The following FRMD4B variants were observed in gnomAD, a reference collection of about 807,000 sequenced individuals.
FRMD4B encodes the protein FERM domain-containing protein 4B.
FRMD4B carries 74 observed loss-of-function variants against 141.5 expected under a neutral mutation model. That is an observed-to-expected ratio of 0.52 (90% CI 0.43 to 0.63). FRMD4B has a LOEUF of 0.63. Ranked by LOEUF, FRMD4B falls within the 30% of genes least tolerant of loss-of-function variation. The pLI, the probability that FRMD4B is intolerant of heterozygous loss-of-function variation, is 0.00. For synonymous variants in FRMD4B, 506 were observed against 467.9 expected (o/e 1.08, Z -1.05); for missense variants, 1,366 against 1,253.4 (o/e 1.09, Z -1.36).
At chr3:69,339,411 C>T (rs907765614) in intron 1 of FRMD4B, among the ~76,000 whole-genome samples, 3 of 152,118 alleles carry the variant, frequency 2.0e-5, no homozygotes, top group African/African-American at 7.2e-5. Context: ...CATTTAATCC[C>T]TTTTAGTCTG....
At position 69,490,179 on chromosome 3, in the gene FRMD4B, A is replaced by C. The variant is rs1055359236; in HGVS notation, c.-129+52027T>G. The stretch of plus-strand genomic sequence containing the variant: ...GTTGCCCTAATATGATTACACTAAA[A>C]GCCACTGAATTGTGTATTTTAAACA... On this transcript the variant is annotated intron_variant, in intron 1 of 5. Transcript: ENST00000459638. Among the ~76,000 whole-genome samples, 6 of 152,304 alleles carry C rather than the reference A, an allele frequency of 3.9e-5. No individual in the cohort carries two copies. In the East Asian group the frequency reaches 1.2e-3, roughly 29 times the overall value.
intron 16 of FRMD4B, among the ~76,000 whole-genome samples, chr3:69,194,150 T>C (rs1344662871): frequency 1.3e-5 from 2 of 152,248 alleles, no homozygotes; most frequent in Non-Finnish European, 2.9e-5. Context: ...TTCACAGATA[T>C]ATTCTCAACT....
rs997763688 is a variant in FRMD4B at position 69,383,624 on chromosome 3, A to G, written c.162+2204T>C. The stretch of plus-strand genomic sequence containing the variant: ...ACTTAGGCTGAAGTGCAGTGGGACA[A>G]TTATGGCTCACTGCAGCATTGAACT... On this transcript the variant is annotated intron_variant, in intron 1 of 22. Transcript: ENST00000398540. Among the ~76,000 whole-genome samples, 3 of 152,218 alleles carry G rather than the reference A, an allele frequency of 2.0e-5. No individual in the cohort carries two copies. The East Asian group carries it at 5.8e-4, about 29-fold the overall frequency.
chr3:69,217,620 T>G (rs1340379977), intron 10 of FRMD4B, among the ~76,000 whole-genome samples: 1 of 152,150 alleles, frequency 6.6e-6, no homozygotes, highest in Non-Finnish European at 1.5e-5. Flanking sequence ...AGACTCCATC[T>G]CAAAAACAAA....
intron 8 of FRMD4B, among the ~76,000 whole-genome samples, chr3:69,223,254 G>A (rs989653595): frequency 1.3e-5 from 2 of 152,052 alleles, no homozygotes; most frequent in Non-Finnish European, 2.9e-5. Context: ...AGTGGCTCAC[G>A]TCTGTAATCT....
chr3:69,337,550 C>A (rs1246618790), intron 1 of FRMD4B, among the ~76,000 whole-genome samples: 1 of 152,112 alleles, frequency 6.6e-6, no homozygotes, highest in Non-Finnish European at 1.5e-5. Context: ...TTTTTGCATC[C>A]TACTCATCTG....
chr3:69,295,787 T>A (rs987575506), intron 4 of FRMD4B, among the ~76,000 whole-genome samples: 3 of 151,958 alleles, frequency 2.0e-5, no homozygotes, highest in African/African-American at 7.2e-5. Flanking sequence ...GTTCTCTAGC[T>A]TCTTTCCCCC....
intron 1 of FRMD4B, among the ~76,000 whole-genome samples, chr3:69,352,294 A>G (rs1440293001): frequency 6.6e-6 from 1 of 152,156 alleles, no homozygotes; most frequent in Non-Finnish European, 1.5e-5. Flanking sequence ...ATAAGATTAT[A>G]TTCCTTTTCA....
At chr3:69,338,687 T>C (rs978700354) in intron 1 of FRMD4B, among the ~76,000 whole-genome samples, 1 of 151,526 alleles carries the variant, frequency 6.6e-6, no homozygotes, top group Non-Finnish European at 1.5e-5. Flanking sequence ...TACTTGAGGG[T>C]AGAGGGTAGG....
chr3:69,269,179 T>G (rs2106919193), intron 5 of FRMD4B, among the ~76,000 whole-genome samples: 1 of 151,904 alleles, frequency 6.6e-6, no homozygotes, highest in East Asian at 1.9e-4. Context: ...CCCACCTGCC[T>G]CGGCCTCTCA....
intron 1 of FRMD4B, among the ~76,000 whole-genome samples, chr3:69,454,262 G>T (rs528495335): frequency 2.0e-5 from 3 of 152,232 alleles, no homozygotes; most frequent in Non-Finnish European, 4.4e-5. Flanking sequence ...AAGTAGGAAC[G>T]TTGGGAGGTG....
intron 2 of FRMD4B, 86 bp downstream of exon 2, chr3:69,313,366 A>G: frequency 2.4e-6 from 2 of 818,630 alleles, no homozygotes; most frequent in Non-Finnish European, 2.1e-6. Flanking sequence ...AGGCTCAGAG[A>G]GGGAACCAGG....
chr3:69,222,959 C>T (rs960071637), intron 8 of FRMD4B, among the ~76,000 whole-genome samples: 3 of 152,176 alleles, frequency 2.0e-5, no homozygotes, highest in African/African-American at 7.2e-5. Context: ...ACAGGGAGAT[C>T]AGCAAGTGTT....
chr3:69,441,315 G>A (rs942515961), intron 1 of FRMD4B, among the ~76,000 whole-genome samples: 2 of 150,396 alleles, frequency 1.3e-5, no homozygotes, highest in Non-Finnish European at 3.0e-5. Context: ...TTTTCTTTAT[G>A]TACTCAAACA....
At chr3:69,250,125 T>C (rs2093452544) in intron 5 of FRMD4B, 26 bp from the exon 6 acceptor site, 2 of 1,519,702 alleles carry the variant, frequency 1.3e-6, no homozygotes, top group African/African-American at 1.4e-5. Context: ...GAAAGCATCA[T>C]TGAACATGGG....
At chr3:69,441,885 C>G (rs185564309) in intron 1 of FRMD4B, among the ~76,000 whole-genome samples, 1 of 152,156 alleles carries the variant, frequency 6.6e-6, no homozygotes, top group Non-Finnish European at 1.5e-5. Flanking sequence ...ACTTACAAAA[C>G]GGATTCCAAA....
At position 69,436,198 on chromosome 3, in the gene FRMD4B, T is replaced by C. The variant is rs578196688; in HGVS notation, c.-128-3437A>G. Among the ~76,000 whole-genome samples, 379 of 152,324 alleles carry C rather than the reference T, an allele frequency of 2.5e-3. 15 individuals are homozygous for C. The South Asian group carries it at 0.075, about 30-fold the overall frequency. On this transcript the variant is annotated intron_variant, in intron 1 of 5. Coordinates refer to the FRMD4B transcript ENST00000459638. The stretch of plus-strand genomic sequence containing the variant: ...TCTTATCCCATAGAAACCTCTAATA[T>C]ATGCAATCTCTAATGATAAATATCT...
chr3:69,274,441 G>A (rs772580737), intron 5 of FRMD4B, among the ~76,000 whole-genome samples: 17 of 152,168 alleles, frequency 1.1e-4, no homozygotes, highest in Non-Finnish European at 2.1e-4. Context: ...AAGCAGGGGA[G>A]ATGGCTAAGT....
chr3:69,305,004 C>T (rs964048909), intron 3 of FRMD4B, among the ~76,000 whole-genome samples: 3 of 152,116 alleles, frequency 2.0e-5, no homozygotes, highest in African/African-American at 7.2e-5. Context: ...TAGTCTCTAT[C>T]GAGTAATGAC....
Sources: allele counts gnomAD v4.1 joint callset (sites outside exome capture counted in the v4.1 genomes callset), GRCh38; gene constraint gnomAD v4.1.1; transcripts MANE v1.5; gene names NCBI Gene and HGNC (gene_info 2026-07-23, HGNC 2026-07-21).